Variants in TOMM7 observed in about 807,000 individuals in gnomAD.
TOMM7 encodes the protein translocase of outer mitochondrial membrane 7.
TOMM7 carries 8 observed loss-of-function variants against 9.5 expected under a neutral mutation model. The observed-to-expected ratio is 0.84, with a 90% CI of 0.49 to 1.51. The LOEUF is 1.51. TOMM7 is among the 40% of genes most tolerant of loss of function. The pLI, the probability that TOMM7 is intolerant of heterozygous loss-of-function variation, is 0.00. For synonymous variants in TOMM7, 27 were observed against 21.4 expected (o/e 1.26, Z -0.72); for missense variants, 74 against 63.7 (o/e 1.16, Z -0.55).
At chr7:22,822,599 C>G in intron 1 of TOMM7, 78 bp downstream of exon 1, 1 of 1,322,856 alleles carries the variant, frequency 7.6e-7, no homozygotes, top group Non-Finnish European at 1.1e-6. Flanking sequence ...CTCTCCCTCC[C>G]CCGACGGCCA....
At position 22,820,424 on chromosome 7, in the gene TOMM7, T is replaced by C. The variant is rs140005127; in HGVS notation, c.103+2253A>G. 3.5e-4 allele frequency among the ~76,000 whole-genome samples: 53 copies of C among 152,280 alleles called. No homozygotes were observed. The East Asian group carries it at 0.01, about 29-fold the overall frequency. ...TTACACGAAGCCCCTGGCATGCAGATTGCAGCAACCAGCTACAGCTTTCTA... is the reference window on the plus strand; with the variant it reads ...TTACACGAAGCCCCTGGCATGCAGACTGCAGCAACCAGCTACAGCTTTCTA... On this transcript the variant is annotated intron_variant, in intron 1 of 2. Coordinates refer to ENST00000358435, the MANE Select transcript of TOMM7 (RefSeq NM_019059.5).
rs973953853 is a variant in TOMM7 at position 22,817,930 on chromosome 7, T to G, written c.152+70A>C. The G allele has an allele frequency of 6.1e-6, 9 of 1,469,418 alleles. No homozygotes were observed. In the African/African-American group the frequency reaches 1.3e-4, roughly 20 times the overall value. 91.0% of individuals were successfully genotyped at this position (1,469,418 alleles called of 1,614,324 possible). Reference sequence around the variant, plus strand: ...TTTCAAGGCCTGCCACTATTACTCTTTTACATCTTAGTGATTCAGTACTAC... The same window carrying G: ...TTTCAAGGCCTGCCACTATTACTCTGTTACATCTTAGTGATTCAGTACTAC... On this transcript the variant is annotated intron_variant, in intron 2 of 2. Transcript: ENST00000358435.
chr7:22,822,524 G>GTTCGA (rs535256989), intron 1 of TOMM7, among the ~76,000 whole-genome samples, 153 bp downstream of exon 1: 51 of 152,342 alleles, frequency 3.3e-4, no homozygotes, highest in African/African-American at 1.2e-3. Flanking sequence ...CTCGAACTCA[G>GTTCGA]GTTAGATCGG....
chr7:22,820,944 A>AATGC (rs57537021), intron 1 of TOMM7, among the ~76,000 whole-genome samples: 8,770 of 152,226 alleles, frequency 0.058, 800 homozygotes, highest in African/African-American at 0.2. Flanking sequence ...TATCTTATAC[A>AATGC]ATGCATGACA....
At chr7:22,814,770 G>T (rs1487000870) in intron 2 of TOMM7, among the ~76,000 whole-genome samples, 1 of 152,294 alleles carries the variant, frequency 6.6e-6, no homozygotes, top group East Asian at 1.9e-4. Context: ...TAAGATGAAT[G>T]TGGTCCTAAT....
intron 2 of TOMM7, among the ~76,000 whole-genome samples, chr7:22,814,572 A>G (rs1014250589): frequency 6.6e-6 from 1 of 152,158 alleles, no homozygotes; most frequent in African/African-American, 2.4e-5. Context: ...AAATATAAAA[A>G]GGAAATCTTG....
chr7:22,814,170 T>TAAAA (rs5882860), intron 2 of TOMM7, among the ~76,000 whole-genome samples: 1 of 139,222 alleles, frequency 7.2e-6, no homozygotes, highest in East Asian at 2.1e-4. Context: ...CCCTGTCTCT[T>TAAAA]AAAAAAAAAA....
intron 1 of TOMM7, among the ~76,000 whole-genome samples, chr7:22,821,497 G>A (rs915005420): frequency 5.3e-5 from 8 of 152,104 alleles, no homozygotes; most frequent in African/African-American, 1.7e-4. Flanking sequence ...GCCGCGCGCG[G>A]GGCGGAGGCC....
chr7:22,819,929 T>C (rs1191920394), intron 1 of TOMM7, among the ~76,000 whole-genome samples: 1 of 152,152 alleles, frequency 6.6e-6, no homozygotes. Flanking sequence ...GCTTGTCATA[T>C]TTTATAGCAC....
intron 1 of TOMM7, chr7:22,822,238 T>A: frequency 6.4e-7 from 1 of 1,550,900 alleles, no homozygotes; most frequent in Non-Finnish European, 8.7e-7. Context: ...ACTATTATTA[T>A]AATCATGCTT....
chr7:22,818,120 C>A, intron 1 of TOMM7, 72 bp from the exon 2 acceptor site: 1 of 1,445,888 alleles, frequency 6.9e-7, no homozygotes, highest in African/African-American at 1.4e-5. Context: ...ACAATCAAGA[C>A]TTTTTCTTCT....
intron 2 of TOMM7, among the ~76,000 whole-genome samples, chr7:22,816,997 T>C (rs1328450788): frequency 1.3e-5 from 2 of 152,110 alleles, no homozygotes; most frequent in African/African-American, 4.8e-5. Context: ...CGAGTAAAAG[T>C]TCGAAGAAAA....
At chr7:22,814,349 CAAAA>C (rs58506942) in intron 2 of TOMM7, among the ~76,000 whole-genome samples, 6 of 91,016 alleles carry the variant, frequency 6.6e-5, no homozygotes, top group Non-Finnish European at 6.2e-5. Context: ...GACTCCGACT[CAAAA>C]AAAAAAAAAA....
intron 2 of TOMM7, among the ~76,000 whole-genome samples, chr7:22,816,244 G>A (rs973161700): frequency 2.6e-5 from 4 of 152,168 alleles, no homozygotes; most frequent in Non-Finnish European, 5.9e-5. Context: ...TGATAAAAAG[G>A]GGAGATGACA....
intron 1 of TOMM7, among the ~76,000 whole-genome samples, chr7:22,818,892 G>A (rs1782350502): frequency 6.6e-6 from 1 of 151,860 alleles, no homozygotes. Context: ...GATTACAGGC[G>A]TGAACCACCA....
rs73278276 is a variant in TOMM7, at chr7:22,815,424, T to C, written c.153-2239A>G. On this transcript the variant is annotated intron_variant, in intron 2 of 2. Coordinates refer to ENST00000358435, the MANE Select transcript of TOMM7 (RefSeq NM_019059.5). ...AAGGACCACCAAGACGGCCAGGTGC[T>C]GTGGCTCATGCTTATAATCCTAGCA... Among the ~76,000 whole-genome samples the C allele has an allele frequency of 1.7e-3, 255 of 151,798 alleles. 1 individual carries two copies. The highest frequency in any genetic ancestry group is 6.0e-3 in the African/African-American group (249 of 41,436).
intron 1 of TOMM7, chr7:22,822,415 C>T: frequency 2.3e-6 from 2 of 880,200 alleles, no homozygotes; most frequent in South Asian, 3.6e-5. Flanking sequence ...CCCTACAATC[C>T]CGAGAAATAT....
At chr7:22,817,978 T>C in intron 2 of TOMM7, 22 bp downstream of exon 2, 1 of 1,611,266 alleles carries the variant, frequency 6.2e-7, no homozygotes, top group Admixed American at 1.7e-5. Flanking sequence ...TGTCCTGAAA[T>C]GTTTAGTTTT....
chr7:22,819,949 T>C (rs1002891743), intron 1 of TOMM7, among the ~76,000 whole-genome samples: 4 of 152,158 alleles, frequency 2.6e-5, no homozygotes, highest in Admixed American at 6.5e-5. Flanking sequence ...CTATACTCCC[T>C]GAAGCACTGA....
Sources: allele counts gnomAD v4.1 joint callset (sites outside exome capture counted in the v4.1 genomes callset), GRCh38; gene constraint gnomAD v4.1.1; transcripts MANE v1.5; gene names NCBI Gene and HGNC (gene_info 2026-07-23, HGNC 2026-07-21).